Variants in HIVEP2 observed in about 807,000 individuals in gnomAD.
HIVEP2 encodes HIVEP zinc finger 2, also known as transcription factor HIVEP2.
In HIVEP2, 14 loss-of-function variants were observed where a neutral mutation model predicts 180.7. That is an observed-to-expected ratio of 0.08 (90% confidence interval 0.05 to 0.12). HIVEP2 has a LOEUF of 0.12. Ranked by LOEUF, HIVEP2 falls within the 10% of genes least tolerant of loss-of-function variation. HIVEP2 has a pLI of 1.00. For synonymous variants in HIVEP2, 1,184 were observed against 1,136.4 expected (o/e 1.04, Z -0.84); for missense variants, 2,579 against 3,008.5 (o/e 0.86, Z 3.34).
At chr6:142,824,948 A>G (rs1347872853) in intron 2 of HIVEP2, among the ~76,000 whole-genome samples, 1 of 152,248 alleles carries the variant, frequency 6.6e-6, no homozygotes, top group Non-Finnish European at 1.5e-5. Flanking sequence ...AGTAGGAGGA[A>G]GAATGGCCAC....
At chr6:142,778,769 T>G (rs985501786) in intron 3 of HIVEP2, among the ~76,000 whole-genome samples, 1 of 152,158 alleles carries the variant, frequency 6.6e-6, no homozygotes, top group Non-Finnish European at 1.5e-5. Context: ...TTTGGTGACT[T>G]CTAAGTCTGG....
chr6:142,772,603 G>C lies in HIVEP2; in HGVS notation c.2136C>G (p.Ile712Met). 1 of 1,614,208 alleles carries C rather than the reference G, an allele frequency of 6.2e-7. No homozygotes were observed. Among genetic ancestry groups the C allele is most frequent in the Non-Finnish European group, 8.5e-7 (1 of 1,180,036 alleles). Residue 712 changes from isoleucine (I) to methionine (M), a missense_variant, in exon 5 of 10, where the codon ATC (isoleucine) becomes ATG (methionine). Coordinates refer to ENST00000367603, the MANE Select transcript of HIVEP2 (RefSeq NM_006734.4). The surrounding 1 kb of genome is among the most constrained non-coding windows in gnomAD (Gnocchi z 4.9). ...CAGGAGTGCTTACAATGCTGCTGCA[G>C]ATCATGGGCGTGTCCTCTTCATCCC... is the stretch of plus-strand genomic sequence containing the variant. The part of the protein sequence containing the change: ...SVGDEEDTPM[I>M]CSSIVSTPVG...
At chr6:142,852,915 A>G (rs895127104) in intron 1 of HIVEP2, among the ~76,000 whole-genome samples, 10 of 152,178 alleles carry the variant, frequency 6.6e-5, no homozygotes, top group African/African-American at 2.4e-4. Flanking sequence ...AATTTGATAT[A>G]AATATTTGTC....
intron 2 of HIVEP2, among the ~76,000 whole-genome samples, chr6:142,787,879 T>C (rs1030243032): frequency 6.6e-6 from 1 of 152,044 alleles, no homozygotes; most frequent in South Asian, 2.1e-4. Flanking sequence ...GACAACAATG[T>C]AGAAGGTTTT....
chr6:142,852,745 T>C (rs1430673747), intron 1 of HIVEP2, among the ~76,000 whole-genome samples: 1 of 152,180 alleles, frequency 6.6e-6, no homozygotes, highest in East Asian at 1.9e-4. Context: ...TAGGTAGACT[T>C]AACACTCAAT....
At chr6:142,811,385 C>G (rs1776694750) in intron 2 of HIVEP2, among the ~76,000 whole-genome samples, 1 of 152,192 alleles carries the variant, frequency 6.6e-6, no homozygotes, top group South Asian at 2.1e-4. Context: ...TTTAAGAAAC[C>G]TGGCTGCTTA....
At chr6:142,766,069 G>A (rs559046270) in intron 6 of HIVEP2, among the ~76,000 whole-genome samples, 1 of 152,226 alleles carries the variant, frequency 6.6e-6, no homozygotes, top group Admixed American at 6.5e-5. Flanking sequence ...CATTCTAAGA[G>A]CATTGCAAAC....
At chr6:142,795,552 A>C (rs1776259766) in intron 2 of HIVEP2, among the ~76,000 whole-genome samples, 1 of 152,198 alleles carries the variant, frequency 6.6e-6, no homozygotes, top group Admixed American at 6.5e-5. Context: ...ATAAGGTGCC[A>C]GAACTAATTT....
chr6:142,846,346 G>T (rs576419347), intron 1 of HIVEP2, among the ~76,000 whole-genome samples: 14 of 151,980 alleles, frequency 9.2e-5, no homozygotes, highest in Admixed American at 5.9e-4. Context: ...ACACCACAAC[G>T]CAAGCTTAAT....
intron 1 of HIVEP2, among the ~76,000 whole-genome samples, chr6:142,892,813 G>A (rs909534192): frequency 2.6e-5 from 4 of 152,140 alleles, no homozygotes; most frequent in African/African-American, 9.7e-5. Context: ...AAGGGAATGG[G>A]GAGTCAAGAT....
chr6:142,906,934 T>C (rs748598030), intron 1 of HIVEP2, among the ~76,000 whole-genome samples: 3 of 152,162 alleles, frequency 2.0e-5, no homozygotes, highest in Non-Finnish European at 4.4e-5. Context: ...AATTAAAAAC[T>C]TGACAAAAAC....
chr6:142,794,758 T>C (rs924960096), intron 2 of HIVEP2, among the ~76,000 whole-genome samples: 7 of 152,176 alleles, frequency 4.6e-5, no homozygotes, highest in Non-Finnish European at 1.5e-5. Flanking sequence ...AGCGGGTGGA[T>C]GAAGGTTTTG....
chr6:142,913,411 C>A (rs139449379), intron 1 of HIVEP2, among the ~76,000 whole-genome samples: 80 of 152,288 alleles, frequency 5.3e-4, no homozygotes, highest in African/African-American at 1.9e-3. Context: ...CACTGGCTGT[C>A]CCCATGAAGA....
intron 1 of HIVEP2, among the ~76,000 whole-genome samples, chr6:142,936,590 A>T (rs909570772): frequency 6.6e-6 from 1 of 152,196 alleles, no homozygotes; most frequent in African/African-American, 2.4e-5. Flanking sequence ...TTAGGTGTCA[A>T]AAACTACCTT....
intron 1 of HIVEP2, among the ~76,000 whole-genome samples, chr6:142,880,935 C>T (rs74335562): frequency 0.014 from 2,180 of 152,240 alleles, 32 homozygotes; most frequent in Non-Finnish European, 0.022. Context: ...GGGGTTCAGA[C>T]GTAAGGCATC....
rs769799135 is a variant in HIVEP2, at chr6:142,773,281, G to A, written c.1458C>T (p.Asp486=). ...SQLIPSKGDV[D]PSQTSMLKST... ...ATTTCAGCATGCTCGTTTGACTGGG[G>A]TCGACATCTCCCTTGCTTGGGATCA... The change falls in exon 5 of 10, where the codon GAC becomes GAT. Residue 486 remains aspartate, a synonymous_variant. Coordinates refer to ENST00000367603, the MANE Select transcript of HIVEP2 (RefSeq NM_006734.4). 16 of 1,614,184 alleles carry A rather than the reference G, an allele frequency of 9.9e-6. No individual in the cohort carries two copies. The highest frequency in any genetic ancestry group is 2.2e-5 in the East Asian group (1 of 44,870).
chr6:142,827,796 G>A (rs950142817), intron 2 of HIVEP2, among the ~76,000 whole-genome samples: 2 of 152,184 alleles, frequency 1.3e-5, no homozygotes, highest in African/African-American at 2.4e-5. Context: ...ATTTTAAAGT[G>A]TGCAAAGACT....
chr6:142,769,932 G>A lies in HIVEP2; in HGVS notation c.4807C>T (p.Arg1603Trp), dbSNP rs367885572. 1.4e-4 allele frequency: 223 copies of A among 1,613,886 alleles called. No individual in the cohort carries two copies. The highest frequency in any genetic ancestry group is 1.7e-4 in the Non-Finnish European group (201 of 1,180,052). ...QLEEEGKGHK[R>W]PVGMLVRMAS... ...ATGCGGACCAGCATGCCAACAGGCCGCTTGTGGCCCTTCCCTTCCTCTTCC... is the reference window on the plus strand; with the variant it reads ...ATGCGGACCAGCATGCCAACAGGCCACTTGTGGCCCTTCCCTTCCTCTTCC... The change falls in exon 5 of 10, where the codon CGG becomes TGG. Residue 1603 changes from arginine (R) to tryptophan (W), a missense_variant. By Grantham distance (101) the Arg-to-Trp change is moderately radical. Transcript: ENST00000367603.
chr6:142,793,656 C>CTTTCTTTCTTTCTTTCCTGCTTTCTTTT (rs1269273663), intron 2 of HIVEP2, among the ~76,000 whole-genome samples: 1 of 77,334 alleles, frequency 1.3e-5, no homozygotes, highest in Admixed American at 1.6e-4. Context: ...TTCTTTCTTT[C>CTTTCTTTCTTTCTTTCCTGCTTTCTTTT]TTTTTTCTTT....
Sources: gnomAD v4.1 joint callset for allele counts (sites outside exome capture counted in the v4.1 genomes callset) on GRCh38, gnomAD v4.1.1 for gene constraint, Gnocchi (gnomAD v3.1) non-coding constraint, MANE v1.5 for transcripts, NCBI Gene and HGNC (gene_info 2026-07-23, HGNC 2026-07-21) for gene names.